KIF6: variants seen among roughly 807,000 people sequenced by gnomAD.
KIF6 encodes kinesin family member 6.
A neutral mutation model predicts 112.7 loss-of-function variants in KIF6; 106 were observed. The observed-to-expected ratio is 0.94, with a 90% CI of 0.80 to 1.11. KIF6 has a LOEUF of 1.11. KIF6 is among the 50% of genes least tolerant of loss of function. KIF6 has a pLI of 0.00. For missense variants in KIF6, 929 were observed against 964.0 expected (o/e 0.96, Z 0.48); for synonymous variants, 339 against 339.9 (o/e 1.00, Z 0.03).
At chr6:39,539,400 G>T (rs1426485626) in intron 13 of KIF6, among the ~76,000 whole-genome samples, 1 of 152,072 alleles carries the variant, frequency 6.6e-6, no homozygotes, top group African/African-American at 2.4e-5. Flanking sequence ...CAGGAGTGTA[G>T]TGGCCTGATC....
intron 3 of KIF6, among the ~76,000 whole-genome samples, chr6:39,714,397 AC>A (rs113600953): frequency 0.08 from 12,210 of 152,188 alleles, 517 homozygotes; most frequent in Middle Eastern, 0.11. Flanking sequence ...TACCCATGCA[AC>A]CCTGAGTAGT....
At chr6:39,568,163 T>C (rs566099825) in intron 10 of KIF6, among the ~76,000 whole-genome samples, 4 of 152,152 alleles carry the variant, frequency 2.6e-5, no homozygotes, top group East Asian at 1.9e-4. Context: ...CAGGGAGAGA[T>C]TGACAAAGGA....
chr6:39,457,480 C>T (rs1301668975), intron 13 of KIF6, among the ~76,000 whole-genome samples: 1 of 148,194 alleles, frequency 6.7e-6, no homozygotes, highest in Non-Finnish European at 1.5e-5. Flanking sequence ...CAAGAGCAAA[C>T]ACATTCAAAA....
intron 16 of KIF6, among the ~76,000 whole-genome samples, chr6:39,384,759 T>G (rs1767270191): frequency 6.6e-6 from 1 of 152,212 alleles, no homozygotes; most frequent in South Asian, 2.1e-4. Context: ...GAACTTTTTT[T>G]GTCTGGAATA....
chr6:39,549,364 G>A (rs1380878213), intron 10 of KIF6, among the ~76,000 whole-genome samples: 1 of 152,146 alleles, frequency 6.6e-6, no homozygotes, highest in Non-Finnish European at 1.5e-5. Flanking sequence ...ACACTCTTCT[G>A]TGCTATTTGC....
chr6:39,700,792 C>A (rs1253822718), intron 3 of KIF6, among the ~76,000 whole-genome samples: 1 of 151,808 alleles, frequency 6.6e-6, no homozygotes, highest in African/African-American at 2.4e-5. Context: ...CGGCTCACTG[C>A]AACCTCTGCC....
chr6:39,344,636 C>A (rs1763571378), intron 21 of KIF6, among the ~76,000 whole-genome samples: 1 of 152,084 alleles, frequency 6.6e-6, no homozygotes, highest in Admixed American at 6.6e-5. Flanking sequence ...ATCCTCTTAC[C>A]ACCACCACTC....
intron 2 of KIF6, among the ~76,000 whole-genome samples, chr6:39,716,551 G>A (rs1789865414): frequency 6.6e-6 from 1 of 152,064 alleles, no homozygotes; most frequent in African/African-American, 2.4e-5. Context: ...GCTGTCTTCT[G>A]AAAACCACTG....
At position 39,610,382 on chromosome 6, in the gene KIF6, TGAAAG is replaced by T. The variant is rs551908510; in HGVS notation, c.639+2802_639+2806del. On this transcript the variant is annotated intron_variant, in intron 6 of 22. Transcript: ENST00000287152. The stretch of plus-strand genomic sequence containing the variant: ...AAATGCTGGCTATGGGTAAAGAACA[TGAAAG>T]GAAAGAGCACTCCACTTTGTGTCCC... 2.7e-3 allele frequency among the ~76,000 whole-genome samples: 408 copies of T among 152,322 alleles called. 1 individual carries two copies. The highest frequency in any genetic ancestry group is 0.02 in the Middle Eastern group (6 of 294).
chr6:39,681,143 A>AT (rs1787486426), intron 3 of KIF6, among the ~76,000 whole-genome samples: 1 of 152,218 alleles, frequency 6.6e-6, no homozygotes. Flanking sequence ...AACTCAAGAC[A>AT]TTTTTATACT....
At chr6:39,633,604 C>T (rs1784465434) in intron 5 of KIF6, among the ~76,000 whole-genome samples, 1 of 152,154 alleles carries the variant, frequency 6.6e-6, no homozygotes, top group Non-Finnish European at 1.5e-5. Flanking sequence ...TTCAAATGGG[C>T]TTCTTTTAGA....
At chr6:39,355,532 C>T (rs1000862491) in intron 19 of KIF6, among the ~76,000 whole-genome samples, 2 of 145,132 alleles carry the variant, frequency 1.4e-5, no homozygotes, top group East Asian at 2.1e-4. Flanking sequence ...GGTGCGATCT[C>T]GGCTCACTGC....
intron 18 of KIF6, among the ~76,000 whole-genome samples, chr6:39,358,977 A>G (rs200464403): frequency 2.0e-5 from 3 of 152,222 alleles, no homozygotes; most frequent in South Asian, 4.1e-4. Flanking sequence ...ATGTATTACT[A>G]TACCATAACT....
chr6:39,368,364 G>A lies in KIF6; in HGVS notation c.1862-5846C>T, dbSNP rs150971840. On this transcript the variant is annotated intron_variant, in intron 16 of 22. Coordinates refer to ENST00000287152, the MANE Select transcript of KIF6 (RefSeq NM_145027.6). ...CTGAGCTTTGATAGAGGAAGTAATCGCCCAGGATGGCACTGCTGGTAAGCA... is the reference window on the plus strand; with the variant it reads ...CTGAGCTTTGATAGAGGAAGTAATCACCCAGGATGGCACTGCTGGTAAGCA... Among the ~76,000 whole-genome samples the A allele has an allele frequency of 4.0e-3, 614 of 152,298 alleles. 5 individuals are homozygous for A. The highest frequency in any genetic ancestry group is 0.013 in the African/African-American group (544 of 41,536).
At chr6:39,678,563 T>C (rs1787314660) in intron 3 of KIF6, among the ~76,000 whole-genome samples, 1 of 152,192 alleles carries the variant, frequency 6.6e-6, no homozygotes, top group African/African-American at 2.4e-5. Context: ...TTGAGTTTGG[T>C]GTGGGGTGGG....
chr6:39,410,783 C>T (rs747241332), intron 15 of KIF6, among the ~76,000 whole-genome samples: 17 of 152,176 alleles, frequency 1.1e-4, no homozygotes, highest in Non-Finnish European at 2.1e-4. Flanking sequence ...AGCAAAAAAT[C>T]TTCACACAGC....
rs537762799 is a variant in KIF6, at chr6:39,642,517, G to A, written c.252-2760C>T. Among the ~76,000 whole-genome samples the A allele has an allele frequency of 7.9e-5, 12 of 152,164 alleles. No individual in the cohort carries two copies. The South Asian group carries it at 1.2e-3, about 16-fold the overall frequency. On this transcript the variant is annotated intron_variant, in intron 3 of 22. Transcript: ENST00000287152. ...TCAAAGAGCTGCCACTCTCTGACTC[G>A]TCTGGGAGCTCTCTGGAAAAGCTCC...
intron 19 of KIF6, among the ~76,000 whole-genome samples, chr6:39,347,185 G>T (rs889665769): frequency 1.3e-5 from 2 of 152,216 alleles, no homozygotes; most frequent in African/African-American, 4.8e-5. Flanking sequence ...CAGCTGGTAA[G>T]TGGCAGAATC....
At chr6:39,519,063 G>T (rs1546910) in intron 13 of KIF6, among the ~76,000 whole-genome samples, 1 of 151,936 alleles carries the variant, frequency 6.6e-6, no homozygotes, top group Non-Finnish European at 1.5e-5. Context: ...GATACTAGGT[G>T]TGGCTGCATT....
Sources: gnomAD v4.1 joint callset for allele counts (sites outside exome capture counted in the v4.1 genomes callset) on GRCh38, gnomAD v4.1.1 for gene constraint, MANE v1.5 for transcripts, NCBI Gene and HGNC (gene_info 2026-07-23, HGNC 2026-07-21) for gene names.